The following SPAG16 variants were observed in gnomAD, a reference collection of about 807,000 sequenced individuals.
SPAG16 encodes the protein sperm associated antigen 16, also known as sperm-associated antigen 16 protein.
Under a neutral mutation model 80.4 loss-of-function variants are expected in SPAG16, and 86 were observed. That is an observed-to-expected ratio of 1.07 (90% confidence interval 0.90 to 1.28). The LOEUF (loss-of-function observed/expected upper bound fraction) is 1.28. SPAG16 is among the 50% of genes most tolerant of loss of function. SPAG16 has a pLI of 0.00. For synonymous variants in SPAG16, 294 were observed against 265.9 expected (o/e 1.11, Z -1.03); for missense variants, 870 against 765.3 (o/e 1.14, Z -1.61).
At chr2:213,725,215 G>A (rs1422508260) in intron 10 of SPAG16, among the ~76,000 whole-genome samples, 1 of 151,936 alleles carries the variant, frequency 6.6e-6, no homozygotes, top group East Asian at 1.9e-4. Context: ...GTAGAGACAG[G>A]GTTTTGTCAC....
intron 9 of SPAG16, among the ~76,000 whole-genome samples, chr2:213,437,799 T>G (rs1011144604): frequency 6.6e-6 from 1 of 152,334 alleles, no homozygotes; most frequent in Admixed American, 6.5e-5. Flanking sequence ...ATATTATTCT[T>G]CCTGCTCTTT....
At chr2:213,284,660 T>C (rs921810188) in intron 1 of SPAG16, 41 bp downstream of exon 1, 2 of 1,588,060 alleles carry the variant, frequency 1.3e-6, no homozygotes, top group African/African-American at 2.7e-5. Context: ...CGCTGGCGGG[T>C]AATGGGTGTT....
intron 12 of SPAG16, among the ~76,000 whole-genome samples, chr2:213,982,776 T>C (rs1300690532): frequency 6.6e-6 from 1 of 151,998 alleles, no homozygotes; most frequent in African/African-American, 2.4e-5. Context: ...ATTGGAAAGT[T>C]AACCTTGAAG....
At chr2:213,856,959 G>A (rs1413084868) in intron 10 of SPAG16, among the ~76,000 whole-genome samples, 1 of 152,208 alleles carries the variant, frequency 6.6e-6, no homozygotes, top group Non-Finnish European at 1.5e-5. Flanking sequence ...CATAGGATGG[G>A]TGGCTCACAC....
chr2:213,827,867 G>T (rs2073396052), intron 10 of SPAG16, among the ~76,000 whole-genome samples: 2 of 151,936 alleles, frequency 1.3e-5, no homozygotes, highest in Non-Finnish European at 2.9e-5. Context: ...CCACTGAAAA[G>T]TCTGCTGCCA....
intron 15 of SPAG16, among the ~76,000 whole-genome samples, chr2:214,155,783 G>A (rs369807141): frequency 2.6e-5 from 4 of 152,112 alleles, no homozygotes; most frequent in Admixed American, 6.6e-5. Context: ...TTGAACCACC[G>A]TGTTGGCTCA....
intron 14 of SPAG16, among the ~76,000 whole-genome samples, chr2:214,140,963 G>A (rs1260034809): frequency 2.1e-5 from 3 of 146,128 alleles, no homozygotes; most frequent in Non-Finnish European, 4.5e-5. Flanking sequence ...GTGGGGGGAT[G>A]TGACAGAGAG....
chr2:213,913,616 T>C (rs548910331), intron 11 of SPAG16, among the ~76,000 whole-genome samples: 460 of 13,158 alleles, frequency 0.035, 27 homozygotes, highest in African/African-American at 0.057. Context: ...TGTACATATA[T>C]GTATATGTAC....
intron 10 of SPAG16, among the ~76,000 whole-genome samples, chr2:213,829,944 A>C (rs1422547650): frequency 6.6e-6 from 1 of 151,936 alleles, no homozygotes; most frequent in Non-Finnish European, 1.5e-5. Flanking sequence ...TCTCTTTTGG[A>C]GCTGTGAGCT....
At chr2:214,207,197 G>A (rs181517287) in intron 15 of SPAG16, among the ~76,000 whole-genome samples, 1 of 152,070 alleles carries the variant, frequency 6.6e-6, no homozygotes, top group South Asian at 2.1e-4. Context: ...ATTCCTGCTT[G>A]CCCTGGGTGC....
intron 12 of SPAG16, among the ~76,000 whole-genome samples, chr2:213,979,887 TTTGCCAG>T (rs2045607898): frequency 1.3e-5 from 2 of 152,054 alleles, no homozygotes; most frequent in Non-Finnish European, 2.9e-5. Context: ...ATTGTCTATC[TTTGCCAG>T]TTTTTCTTTA....
At chr2:213,297,036 C>G in intron 2 of SPAG16, 1 of 1,355,986 alleles carries the variant, frequency 7.4e-7, no homozygotes, top group South Asian at 1.3e-5. Context: ...AAGCAGTTGC[C>G]CACAAACTAA....
At chr2:213,310,565 T>C (rs1419251858) in intron 4 of SPAG16, among the ~76,000 whole-genome samples, 4 of 151,966 alleles carry the variant, frequency 2.6e-5, no homozygotes, top group Non-Finnish European at 5.9e-5. Context: ...GACATTATAC[T>C]AAACAGTCCT....
intron 10 of SPAG16, among the ~76,000 whole-genome samples, chr2:213,674,100 A>T (rs574282737): frequency 5.6e-4 from 86 of 152,272 alleles, no homozygotes; most frequent in African/African-American, 1.9e-3. Context: ...AACTTTAAAC[A>T]AATTTAATTT....
chr2:214,328,219 G>T lies in SPAG16; in HGVS notation c.1721-81921G>T, dbSNP rs185123734. Reference sequence around the variant, plus strand: ...CGCCTAGGCTGGAATGCAGTGGTGCGATCTTGGCTCACTGCAACCTCTGCC... The same window carrying T: ...CGCCTAGGCTGGAATGCAGTGGTGCTATCTTGGCTCACTGCAACCTCTGCC... On this transcript the variant is annotated intron_variant, in intron 15 of 15. Coordinates refer to ENST00000331683, the MANE Select transcript of SPAG16 (RefSeq NM_024532.5). Among the ~76,000 whole-genome samples the T allele has an allele frequency of 3.9e-3, 595 of 151,440 alleles. 6 individuals are homozygous for T. Among genetic ancestry groups the T allele is most frequent in the African/African-American group, 0.014 (559 of 41,156 alleles).
At chr2:214,195,492 G>A (rs528436319) in intron 15 of SPAG16, among the ~76,000 whole-genome samples, 1 of 152,128 alleles carries the variant, frequency 6.6e-6, no homozygotes, top group East Asian at 1.9e-4. Flanking sequence ...AGAAGTGCAA[G>A]ATTGAACTAG....
At chr2:213,936,060 A>C (rs1255185256) in intron 12 of SPAG16, among the ~76,000 whole-genome samples, 1 of 152,154 alleles carries the variant, frequency 6.6e-6, no homozygotes, top group African/African-American at 2.4e-5. Context: ...TTTAAACAGG[A>C]AGGTCGAGAA....
chr2:213,780,618 T>C (rs1235540374), intron 10 of SPAG16, among the ~76,000 whole-genome samples: 2 of 149,340 alleles, frequency 1.3e-5, no homozygotes, highest in Non-Finnish European at 3.0e-5. Context: ...ATCTCAACTA[T>C]CTTAGGGAAT....
At chr2:214,156,224 A>G (rs749657623) in intron 15 of SPAG16, among the ~76,000 whole-genome samples, 4 of 152,188 alleles carry the variant, frequency 2.6e-5, no homozygotes, top group Non-Finnish European at 5.9e-5. Context: ...TCTTATGTGC[A>G]AGAGGCATTC....
Sources: allele counts gnomAD v4.1 joint callset (sites outside exome capture counted in the v4.1 genomes callset), GRCh38; gene constraint gnomAD v4.1.1; transcripts MANE v1.5; gene names NCBI Gene and HGNC (gene_info 2026-07-23, HGNC 2026-07-21).